P4HA1: variants seen among roughly 807,000 people sequenced by gnomAD.
P4HA1 encodes the protein prolyl 4-hydroxylase subunit alpha-1.
Under a neutral mutation model 72.8 loss-of-function variants are expected in P4HA1, and 24 were observed. That is an observed-to-expected ratio of 0.33 (90% CI 0.24 to 0.46). The LOEUF (loss-of-function observed/expected upper bound fraction) is 0.46. Ranked by LOEUF, P4HA1 falls within the 20% of genes least tolerant of loss-of-function variation. P4HA1 has a pLI of 1.00. For missense variants in P4HA1, 446 were observed against 640.6 expected (o/e 0.70, Z 3.28); for synonymous variants, 201 against 218.8 (o/e 0.92, Z 0.72).
rs1240202616 is a variant in P4HA1, at chr10:73,090,167, C to T, written c.-33+6599G>A. On this transcript the variant is annotated intron_variant, in intron 1 of 14. Coordinates refer to ENST00000394890, the MANE Select transcript of P4HA1 (RefSeq NM_001017962.3). Reference sequence around the variant, plus strand: ...TCTTTTTTGAGACAGAGACTCATTTCGGTCACCAGGCTGGAGTACAGTAGC... The same window carrying T: ...TCTTTTTTGAGACAGAGACTCATTTTGGTCACCAGGCTGGAGTACAGTAGC... Among the ~76,000 whole-genome samples the T allele has an allele frequency of 5.9e-5, 9 of 151,290 alleles. No individual in the cohort carries two copies. In the East Asian group the frequency reaches 1.4e-3, roughly 23 times the overall value.
chr10:73,046,896 TGAG>T (rs767368715), intron 8 of P4HA1, 26 bp downstream of exon 8: 2 of 1,487,538 alleles, frequency 1.3e-6, no homozygotes, highest in East Asian at 2.3e-5. Flanking sequence ...TACAGTAAAT[TGAG>T]GAGAAAGAAA....
At chr10:73,050,957 T>C (rs545309878) in intron 7 of P4HA1, 96 bp downstream of exon 7, 7 of 900,972 alleles carry the variant, frequency 7.8e-6, no homozygotes, top group East Asian at 2.4e-5. Flanking sequence ...TTTTATCACA[T>C]AGGCTTAAAT....
chr10:73,067,691 C>T (rs1841459637), intron 5 of P4HA1, among the ~76,000 whole-genome samples: 1 of 152,164 alleles, frequency 6.6e-6, no homozygotes, highest in Admixed American at 6.5e-5. Context: ...CTCCCTCTCC[C>T]CCATTTTTCT....
In P4HA1 at chr10:73,030,386, A is replaced by G; in HGVS notation, c.1149-16T>C. The G allele has an allele frequency of 7.3e-7, 1 of 1,377,926 alleles. No homozygotes were observed. The highest frequency in any genetic ancestry group is 1.0e-6 in the Non-Finnish European group (1 of 988,670). The allele number at this position is 1,377,926 out of a possible 1,614,324, so 85.4% of individuals were successfully genotyped here. On this transcript the variant is annotated splice_polypyrimidine_tract_variant and intron_variant, in intron 9 of 14. Coordinates refer to ENST00000394890, the MANE Select transcript of P4HA1 (RefSeq NM_001017962.3). ...GAGCCAGGCACTAAGAATAAGAGGA[A>G]TATTAGTTTTATTGATAATGTTTCA...
chr10:73,072,188 T>A lies in P4HA1; in HGVS notation c.174-8A>T, dbSNP rs751266815. ...TCTAACTTCTCTGCCCATCTACAGATGTAAAACATAAAAACTGAATATTTA... is the reference window on the plus strand; with the variant it reads ...TCTAACTTCTCTGCCCATCTACAGAAGTAAAACATAAAAACTGAATATTTA... On this transcript the variant is annotated splice_region_variant and splice_polypyrimidine_tract_variant and intron_variant, in intron 3 of 14. Transcript: ENST00000394890. The A allele has an allele frequency of 6.2e-7, 1 of 1,600,616 alleles. No homozygotes were observed. The highest frequency in any genetic ancestry group is 8.5e-7 in the Non-Finnish European group (1 of 1,171,976).
In P4HA1 at chr10:73,062,763, T is replaced by C. The variant is rs553826710; in HGVS notation, c.463+6083A>G. ...AAAAAGATGCTAACAGAAAAGGCAT[T>C]TATGAGAAATAAATCAAAAGGAAGT... On this transcript the variant is annotated intron_variant, in intron 5 of 14. Transcript: ENST00000394890. Among the ~76,000 whole-genome samples, 7 of 152,294 alleles carry C rather than the reference T, an allele frequency of 4.6e-5. No homozygotes were observed. In the East Asian group the frequency reaches 1.3e-3, roughly 29 times the overall value.
chr10:73,068,857 C>T lies in P4HA1; in HGVS notation c.452G>A (p.Gly151Asp). The T allele has an allele frequency of 6.2e-7, 1 of 1,612,494 alleles. No individual in the cohort carries two copies. Among genetic ancestry groups the T allele is most frequent in the Non-Finnish European group, 8.5e-7 (1 of 1,178,706 alleles). ...AAGAATGATCTTACCTGGAAGATTA[C>T]CCTTTGAGATGGTATCTGTATCCAA... ...YNLDTDTISK[G>D]NLPGVKHKSF... Residue 151 changes from glycine (G) to aspartate (D), a missense_variant, in exon 5 of 15, where the codon GGT becomes GAT. Gly to Asp is a moderately conservative substitution (Grantham distance 94). Coordinates refer to ENST00000394890, the MANE Select transcript of P4HA1 (RefSeq NM_001017962.3).
intron 1 of P4HA1, among the ~76,000 whole-genome samples, chr10:73,076,016 G>A (rs1012475785): frequency 6.6e-6 from 1 of 152,032 alleles, no homozygotes; most frequent in Non-Finnish European, 1.5e-5. Context: ...TGAGGCAGGA[G>A]GATCACTTGA....
intron 9 of P4HA1, among the ~76,000 whole-genome samples, chr10:73,039,149 T>TG (rs1840673618): frequency 6.6e-6 from 1 of 152,064 alleles, no homozygotes. Flanking sequence ...CCAAGCATGG[T>TG]GGTGAGCACC....
At chr10:73,030,697 C>A (rs1483369748) in intron 9 of P4HA1, among the ~76,000 whole-genome samples, 2 of 152,042 alleles carry the variant, frequency 1.3e-5, no homozygotes, top group Non-Finnish European at 2.9e-5. Flanking sequence ...AAAACCATAC[C>A]AAACAAAACA....
intron 10 of P4HA1, among the ~76,000 whole-genome samples, chr10:73,018,612 T>C (rs1840063758): frequency 1.3e-5 from 2 of 152,068 alleles, no homozygotes; most frequent in South Asian, 4.1e-4. Context: ...GAGTGACTAC[T>C]AGAACCTGGT....
chr10:73,030,791 T>A (rs943301137), intron 9 of P4HA1, among the ~76,000 whole-genome samples: 5 of 152,266 alleles, frequency 3.3e-5, no homozygotes, highest in African/African-American at 1.2e-4. Context: ...GCTAATATTT[T>A]ATAAGAAAAA....
chr10:73,094,889 TAAGTTACCAAAACAC>T (rs1842126146), intron 1 of P4HA1, among the ~76,000 whole-genome samples: 1 of 152,190 alleles, frequency 6.6e-6, no homozygotes, highest in Admixed American at 6.5e-5. Flanking sequence ...TTTTACCATC[TAAGTTACCAAAACAC>T]AAAATGGCCA....
Position 73,008,115 on chromosome 10 carries a change from A to C in P4HA1, c.*107T>G, listed in dbSNP as rs1804257. The stretch of plus-strand genomic sequence containing the variant: ...ATGGGATGAGGTTCATGACTGAATC[A>C]ATCATGGAGTGTTAGTCAATTGTAA... On this transcript the variant is annotated 3_prime_UTR_variant, in exon 15 of 15. Transcript: ENST00000394890. 3.1e-6 allele frequency: 2 copies of C among 641,346 alleles called. No homozygotes were observed. Among genetic ancestry groups the C allele is most frequent in the East Asian group, 5.1e-5 (2 of 38,986 alleles). The allele number at this position is 641,346 out of a possible 1,614,324, so 39.7% of individuals were successfully genotyped here. A position where few individuals can be genotyped will look rare whatever the true frequency, so the allele number is the denominator to read the frequency against.
intron 10 of P4HA1, among the ~76,000 whole-genome samples, chr10:73,027,454 G>C (rs1027900845): frequency 1.6e-4 from 24 of 151,138 alleles, no homozygotes; most frequent in Non-Finnish European, 8.8e-5. Context: ...GTCGGAGGGT[G>C]GGGGGCTGGG....
Position 73,051,107 on chromosome 10 carries a change from G to A in P4HA1, c.846C>T (p.Tyr282=), listed in dbSNP as rs1191717693. The A allele has an allele frequency of 6.2e-7, 1 of 1,614,056 alleles. No homozygotes were observed. Among genetic ancestry groups the A allele is most frequent in the South Asian group, 1.1e-5 (1 of 91,074 alleles). The stretch of plus-strand genomic sequence containing the variant: ...TTTCGTACTTCTGTCTCTCTGGCAG[G>A]TAATCCACAGCAACCCCTTTTTTCT... ...TPKKKGVAVD[Y]LPERQKYEML... The change falls in exon 7 of 15, where the codon TAC becomes TAT. Residue 282 remains tyrosine (Y), a synonymous_variant. Transcript: ENST00000394890.
chr10:73,028,274 G>A (rs1390772441), intron 10 of P4HA1, among the ~76,000 whole-genome samples: 1 of 144,484 alleles, frequency 6.9e-6, no homozygotes, highest in East Asian at 2.0e-4. Context: ...TGACAAAGAC[G>A]GAGTAGGATG....
intron 10 of P4HA1, among the ~76,000 whole-genome samples, chr10:73,026,603 A>G (rs1192666155): frequency 1.3e-5 from 2 of 152,226 alleles, no homozygotes; most frequent in African/African-American, 2.4e-5. Flanking sequence ...AAAATATACA[A>G]GTGGGATCTA....
At chr10:73,015,434 C>A (rs1839991008) in intron 11 of P4HA1, among the ~76,000 whole-genome samples, 1 of 152,130 alleles carries the variant, frequency 6.6e-6, no homozygotes, top group African/African-American at 2.4e-5. Context: ...CTCTGAAGTT[C>A]AAAACTTTTA....
Sources: gnomAD v4.1 joint callset for allele counts (sites outside exome capture counted in the v4.1 genomes callset) on GRCh38, gnomAD v4.1.1 for gene constraint, MANE v1.5 for transcripts, NCBI Gene and HGNC (gene_info 2026-07-23, HGNC 2026-07-21) for gene names.